The following RTTN variants were observed in gnomAD, a reference collection of about 807,000 sequenced individuals.
RTTN encodes the protein rotatin.
In RTTN, 182 loss-of-function variants were observed where a neutral mutation model predicts 269.2. That is an observed-to-expected ratio of 0.68 (90% CI 0.60 to 0.76). The LOEUF is 0.76. Among genes scored for constraint, RTTN ranks in the 30% least tolerant of loss-of-function variants. The pLI, the probability that RTTN is intolerant of heterozygous loss-of-function variation, is 0.00. For synonymous variants in RTTN, 1,006 were observed against 963.5 expected (o/e 1.04, Z -0.82); for missense variants, 2,545 against 2,608.6 (o/e 0.98, Z 0.53).
At chr18:70,064,950 T>A (rs2058092167) in intron 35 of RTTN, among the ~76,000 whole-genome samples, 1 of 152,180 alleles carries the variant, frequency 6.6e-6, no homozygotes, top group Non-Finnish European at 1.5e-5. Flanking sequence ...TCCTGAGCCA[T>A]TTAAATAATC....
At chr18:70,045,953 A>G (rs561244875) in intron 40 of RTTN, among the ~76,000 whole-genome samples, 1 of 152,360 alleles carries the variant, frequency 6.6e-6, no homozygotes, top group African/African-American at 2.4e-5. Flanking sequence ...TTGTCCAAAA[A>G]GGTAACAAAA....
chr18:70,009,381 C>G (rs892173661), intron 46 of RTTN, among the ~76,000 whole-genome samples: 1 of 152,108 alleles, frequency 6.6e-6, no homozygotes, highest in Non-Finnish European at 1.5e-5. Flanking sequence ...CATGGTCCGC[C>G]CACCTTGGCC....
At chr18:70,140,513 ATCT>A (rs1374425904) in intron 19 of RTTN, among the ~76,000 whole-genome samples, 3 of 152,176 alleles carry the variant, frequency 2.0e-5, no homozygotes, top group African/African-American at 2.4e-5. Context: ...CATGCAAATT[ATCT>A]TCTTTATATT....
chr18:70,053,635 CA>C (rs1406513232), intron 38 of RTTN: 1 of 152,178 alleles, frequency 6.6e-6, no homozygotes, highest in Non-Finnish European at 1.5e-5. Flanking sequence ...TAGATTTTGA[CA>C]AAGATCCTAC....
chr18:70,127,504 G>C lies in RTTN; in HGVS notation c.3381C>G (p.Asn1127Lys), dbSNP rs968392231. 6.8e-6 allele frequency: 11 copies of C among 1,613,110 alleles called. No individual in the cohort carries two copies. The African/African-American group carries it at 1.3e-4, about 20-fold the overall frequency. The change falls in exon 25 of 49, where the codon AAC becomes AAG. Residue 1127 changes from asparagine to lysine, a missense_variant and splice_region_variant. By Grantham distance (94) the Asn-to-Lys change is moderately conservative. Coordinates refer to ENST00000640769, the MANE Select transcript of RTTN (RefSeq NM_173630.4). ...LKSLAWHTAL[N>K]RFLQVLPACT... ...GGCAGCCTTGACCTTACACTGACCT[G>C]TTTAGTGCGGTGTGCCAAGCCAAGG... is the stretch of plus-strand genomic sequence containing the variant.
At chr18:70,049,815 T>C (rs1242732896) in intron 39 of RTTN, among the ~76,000 whole-genome samples, 1 of 152,184 alleles carries the variant, frequency 6.6e-6, no homozygotes, top group Non-Finnish European at 1.5e-5. Flanking sequence ...GCAACTATCA[T>C]GAAAAACATA....
At chr18:70,104,770 C>G (rs2059275893) in intron 28 of RTTN, among the ~76,000 whole-genome samples, 1 of 152,142 alleles carries the variant, frequency 6.6e-6, no homozygotes, top group Non-Finnish European at 1.5e-5. Flanking sequence ...CACTCCAGAC[C>G]CTGTTTGCCT....
chr18:70,029,881 T>C (rs993165100), intron 42 of RTTN, 131 bp downstream of exon 42: 6 of 628,588 alleles, frequency 9.5e-6, no homozygotes, highest in Admixed American at 8.8e-5. Flanking sequence ...AATGTAGAAG[T>C]CTCATTAATT....
Position 70,166,941 on chromosome 18 carries a change from T to C in RTTN, c.1780A>G (p.Ile594Val). The stretch of plus-strand genomic sequence containing the variant: ...TACATCTTTGAACAAATGCTGATGA[T>C]TTCCTTTATTAGCGGGAAATGCTGA... ...YHQHFPLIKE[I>V]ISICSKIWKS... Residue 594 changes from isoleucine (I) to valine (V), a missense_variant, in exon 13 of 49, where the codon ATC (isoleucine) becomes GTC (valine). Transcript: ENST00000640769. 1 of 1,612,518 alleles carries C rather than the reference T, an allele frequency of 6.2e-7. No homozygotes were observed. The highest frequency in any genetic ancestry group is 8.5e-7 in the Non-Finnish European group (1 of 1,178,820).
Position 70,020,604 on chromosome 18 carries a change from T to G in RTTN, c.6153+11A>C. The G allele has an allele frequency of 6.2e-7, 1 of 1,606,408 alleles. No individual in the cohort carries two copies. The highest frequency in any genetic ancestry group is 8.5e-7 in the Non-Finnish European group (1 of 1,174,234). On this transcript the variant is annotated intron_variant, in intron 45 of 48. Coordinates refer to ENST00000640769, the MANE Select transcript of RTTN (RefSeq NM_173630.4). ...ACCCTTTTAAGATATGTGGGGAGTT[T>G]AAGTGCGTACCTTCTGAATTACTCC... is the stretch of plus-strand genomic sequence containing the variant.
At position 70,109,725 on chromosome 18, in the gene RTTN, T is replaced by C. The variant is rs767135646; in HGVS notation, c.3684-8A>G. The C allele has an allele frequency of 1.9e-6, 3 of 1,611,690 alleles. No homozygotes were observed. The highest frequency in any genetic ancestry group is 2.5e-6 in the Non-Finnish European group (3 of 1,178,258). Reference sequence around the variant, plus strand: ...AGAAGTTCCGAGCATTTCCTATGTATGCAAAAGAGGGAAAATCAACCACCA... The same window carrying C: ...AGAAGTTCCGAGCATTTCCTATGTACGCAAAAGAGGGAAAATCAACCACCA... On this transcript the variant is annotated splice_polypyrimidine_tract_variant and splice_region_variant and intron_variant, in intron 27 of 48. Coordinates refer to ENST00000640769, the MANE Select transcript of RTTN (RefSeq NM_173630.4).
intron 14 of RTTN, among the ~76,000 whole-genome samples, chr18:70,154,965 CT>C (rs1385657332): frequency 1.3e-5 from 2 of 152,112 alleles, no homozygotes; most frequent in Non-Finnish European, 2.9e-5. Context: ...CATTCAACAT[CT>C]CACTTTCAAT....
chr18:70,015,444 C>T (rs1365288598), intron 46 of RTTN, among the ~76,000 whole-genome samples: 1 of 152,130 alleles, frequency 6.6e-6, no homozygotes, highest in African/African-American at 2.4e-5. Flanking sequence ...TGGGTGCTAC[C>T]GATCAGAGGC....
chr18:70,137,030 G>A (rs2060140539), intron 21 of RTTN, among the ~76,000 whole-genome samples: 1 of 151,902 alleles, frequency 6.6e-6, no homozygotes. Context: ...ACATGTGTAT[G>A]TAGAAAAAAT....
At chr18:70,100,193 T>C (rs1004871241) in intron 28 of RTTN, among the ~76,000 whole-genome samples, 11 of 152,268 alleles carry the variant, frequency 7.2e-5, no homozygotes, top group Non-Finnish European at 1.3e-4. Context: ...TTCATGATAT[T>C]GATTCTTCCT....
chr18:70,033,990 T>G (rs895055604), intron 40 of RTTN, among the ~76,000 whole-genome samples: 1 of 152,000 alleles, frequency 6.6e-6, no homozygotes, highest in African/African-American at 2.4e-5. Context: ...ACATATATCC[T>G]CCCAAGACTG....
At chr18:70,017,233 A>G (rs1183119086) in intron 46 of RTTN, among the ~76,000 whole-genome samples, 174 bp downstream of exon 46, 1 of 152,132 alleles carries the variant, frequency 6.6e-6, no homozygotes. Flanking sequence ...AGACTCCTGG[A>G]AGCCCACGGA....
intron 34 of RTTN, among the ~76,000 whole-genome samples, chr18:70,073,245 C>T (rs1000541381): frequency 6.6e-6 from 1 of 151,990 alleles, no homozygotes; most frequent in Admixed American, 6.6e-5. Context: ...ATCAATCATT[C>T]CTTATAAATA....
rs552706684 is a variant in RTTN, at chr18:70,180,158, T to C, written c.1306-3313A>G. 8.4e-4 allele frequency among the ~76,000 whole-genome samples: 128 copies of C among 151,614 alleles called. 3 individuals are homozygous for C. The highest frequency in any genetic ancestry group is 2.9e-3 in the African/African-American group (121 of 41,370). On this transcript the variant is annotated intron_variant, in intron 10 of 48. Coordinates refer to ENST00000640769, the MANE Select transcript of RTTN (RefSeq NM_173630.4). ...ATGCTATTTTATTTGCTTGGCCAAATCCTACCTATAATTTAAAACTCAGTT... is the reference window on the plus strand; with the variant it reads ...ATGCTATTTTATTTGCTTGGCCAAACCCTACCTATAATTTAAAACTCAGTT...
Sources: allele counts gnomAD v4.1 joint callset (sites outside exome capture counted in the v4.1 genomes callset), GRCh38; gene constraint gnomAD v4.1.1; transcripts MANE v1.5; gene names NCBI Gene and HGNC (gene_info 2026-07-23, HGNC 2026-07-21).